The following EDIL3 variants were observed in gnomAD, a reference collection of about 807,000 sequenced individuals.
EDIL3 encodes EGF like and discoidin domains 3.
EDIL3 carries 37 observed loss-of-function variants against 67.4 expected under a neutral mutation model. The ratio of observed to expected loss-of-function variants is 0.55; its 90% CI spans 0.42 to 0.72. The LOEUF is 0.72. EDIL3 is among the 30% of genes least tolerant of loss of function. The pLI, the probability that EDIL3 is intolerant of heterozygous loss-of-function variation, is 0.00. For missense variants in EDIL3, 527 were observed against 586.3 expected, an observed-to-expected ratio of 0.90 and a Z score of 1.04; for synonymous variants, 195 against 196.3, an observed-to-expected ratio of 0.99 and a Z score of 0.05.
intron 3 of EDIL3, among the ~76,000 whole-genome samples, chr5:84,195,358 T>C (rs1353713947): frequency 2.0e-5 from 3 of 152,134 alleles, no homozygotes; most frequent in African/African-American, 7.2e-5. Flanking sequence ...TGTCCCTCTT[T>C]AAGATCGGTG....
intron 1 of EDIL3, among the ~76,000 whole-genome samples, chr5:84,371,472 G>A (rs867336246): frequency 2.3e-5 from 3 of 130,118 alleles, no homozygotes; most frequent in African/African-American, 8.1e-5. Context: ...GAGAGAGAGA[G>A]AGAGAAAGAG....
chr5:84,002,618 GT>G (rs1206936749), intron 9 of EDIL3, among the ~76,000 whole-genome samples: 7 of 152,174 alleles, frequency 4.6e-5, no homozygotes, highest in Admixed American at 2.6e-4. Flanking sequence ...ACAAAAATCA[GT>G]TGCATTTCTA....
chr5:84,125,349 C>T (rs954554966), intron 5 of EDIL3, among the ~76,000 whole-genome samples: 9 of 151,926 alleles, frequency 5.9e-5, no homozygotes, highest in Non-Finnish European at 1.0e-4. Context: ...ATTGCCACAG[C>T]CATTTTGCAA....
rs1481769931 is a variant in EDIL3 at position 84,384,647 on chromosome 5, G to C, written c.-273C>G. The C allele has an allele frequency of 3.7e-5, 9 of 241,344 alleles. No individual in the cohort carries two copies. Among genetic ancestry groups the C allele is most frequent in the Middle Eastern group, 1.3e-3 (1 of 762 alleles). The allele number at this position is 241,344 out of a possible 1,614,324, so 15.0% of individuals were successfully genotyped here. A position where few individuals can be genotyped will look rare whatever the true frequency, so the allele number is the denominator to read the frequency against. On this transcript the variant is annotated 5_prime_UTR_variant, in exon 1 of 11. Coordinates refer to ENST00000296591, the MANE Select transcript of EDIL3 (RefSeq NM_005711.5). ...CCGGCGGGCTCAGCCCTCCGCTGCG[G>C]GTGGGTCCCGGCAGAGGCGCGGCGG...
intron 9 of EDIL3, among the ~76,000 whole-genome samples, chr5:83,996,888 ATG>A (rs1745246845): frequency 6.6e-6 from 1 of 152,224 alleles, no homozygotes; most frequent in African/African-American, 2.4e-5. Context: ...ACTGGAATAA[ATG>A]TGTATTTTAA....
chr5:84,128,681 A>G (rs1303723570), intron 5 of EDIL3, among the ~76,000 whole-genome samples: 3 of 152,102 alleles, frequency 2.0e-5, no homozygotes, highest in African/African-American at 4.8e-5. Context: ...GAAAAATGCA[A>G]TATTTTTCAA....
chr5:84,120,069 C>A (rs1297076508), intron 5 of EDIL3, among the ~76,000 whole-genome samples: 7 of 151,846 alleles, frequency 4.6e-5, no homozygotes, highest in South Asian at 2.1e-4. Context: ...AAAAACTATG[C>A]ATAACTATTG....
intron 10 of EDIL3, among the ~76,000 whole-genome samples, chr5:83,955,082 A>G (rs1323127296): frequency 6.6e-6 from 1 of 151,650 alleles, no homozygotes; most frequent in Admixed American, 6.6e-5. Flanking sequence ...TAGTTGTATA[A>G]GAATGACTTA....
chr5:84,194,473 T>C (rs557671748), intron 3 of EDIL3, among the ~76,000 whole-genome samples: 6 of 152,066 alleles, frequency 3.9e-5, no homozygotes, highest in East Asian at 3.9e-4. Context: ...AATAACATTA[T>C]TACTTGTGTA....
chr5:84,054,506 A>T (rs1166707452), intron 9 of EDIL3, among the ~76,000 whole-genome samples: 8 of 152,192 alleles, frequency 5.3e-5, no homozygotes, highest in Non-Finnish European at 8.8e-5. Context: ...TTAGGAGAAG[A>T]GGAAGTCAAA....
At chr5:84,196,890 C>T (rs550087688) in intron 3 of EDIL3, 1 of 151,964 alleles carries the variant, frequency 6.6e-6, no homozygotes, top group South Asian at 2.1e-4. Flanking sequence ...TAAGTGCTGG[C>T]TTTGGATGCA....
At chr5:84,338,130 T>C (rs2112173692) in intron 1 of EDIL3, among the ~76,000 whole-genome samples, 1 of 152,286 alleles carries the variant, frequency 6.6e-6, no homozygotes, top group African/African-American at 2.4e-5. Context: ...TAATACTCTT[T>C]ACTAATACTA....
chr5:84,294,639 T>C (rs10078080), intron 1 of EDIL3, among the ~76,000 whole-genome samples: 1,824 of 152,190 alleles, frequency 0.012, 32 homozygotes, highest in African/African-American at 0.042. Flanking sequence ...AAATAATAAT[T>C]ATAAACCAAA....
chr5:84,219,300 C>T (rs758655623), intron 3 of EDIL3, among the ~76,000 whole-genome samples: 35 of 151,936 alleles, frequency 2.3e-4, no homozygotes, highest in Non-Finnish European at 4.0e-4. Flanking sequence ...ACAAAATGCT[C>T]GTGAATGACT....
intron 9 of EDIL3, among the ~76,000 whole-genome samples, chr5:84,006,103 T>TAATAATAATAATAATAATAATAAC (rs550067507): frequency 1.3e-5 from 2 of 149,116 alleles, no homozygotes; most frequent in African/African-American, 4.9e-5. Flanking sequence ...ATAATAATAA[T>TAATAATAATAATAATAATAATAAC]AATAATAGTA....
chr5:84,081,756 GA>G (rs141409886), intron 6 of EDIL3, among the ~76,000 whole-genome samples: 21 of 149,188 alleles, frequency 1.4e-4, no homozygotes, highest in African/African-American at 4.2e-4. Flanking sequence ...TCAACCAAAA[GA>G]AAAAAAAACA....
chr5:84,257,151 T>C (rs1270437472), intron 1 of EDIL3, among the ~76,000 whole-genome samples: 1 of 152,202 alleles, frequency 6.6e-6, no homozygotes, highest in African/African-American at 2.4e-5. Context: ...ATCCCATCAT[T>C]ATGGAGAGTG....
At chr5:84,199,566 T>C (rs564019677) in intron 3 of EDIL3, among the ~76,000 whole-genome samples, 1 of 152,144 alleles carries the variant, frequency 6.6e-6, no homozygotes, top group Non-Finnish European at 1.5e-5. Flanking sequence ...AGCACAGGGC[T>C]TGGATGGAGC....
At chr5:84,111,695 G>C (rs571138191) in intron 5 of EDIL3, among the ~76,000 whole-genome samples, 3 of 152,282 alleles carry the variant, frequency 2.0e-5, no homozygotes, top group African/African-American at 7.2e-5. Flanking sequence ...AATCAAGTGT[G>C]GGTGTCAGGT....
Sources: gnomAD v4.1 joint callset for allele counts (sites outside exome capture counted in the v4.1 genomes callset) on GRCh38, gnomAD v4.1.1 for gene constraint, MANE v1.5 for transcripts, NCBI Gene and HGNC (gene_info 2026-07-23, HGNC 2026-07-21) for gene names.